Variants in KCNU1 observed in about 807,000 individuals in gnomAD.
The protein encoded by KCNU1 is potassium calcium-activated channel subfamily U member 1.
Under a neutral mutation model 126.8 loss-of-function variants are expected in KCNU1, and 93 were observed. That is an observed-to-expected ratio of 0.73 (90% CI 0.62 to 0.87). The LOEUF is 0.87. Ranked by LOEUF, KCNU1 falls within the 40% of genes least tolerant of loss-of-function variation. The pLI is 0.00. For missense variants in KCNU1, 1,330 were observed against 1,367.1 expected (o/e 0.97, Z 0.43); for synonymous variants, 523 against 494.2 (o/e 1.06, Z -0.77).
chr8:36,801,131 T>C (rs1459510465), intron 2 of KCNU1, among the ~76,000 whole-genome samples: 2 of 152,218 alleles, frequency 1.3e-5, no homozygotes, highest in East Asian at 1.9e-4. Context: ...TCTACATGCA[T>C]GCAATCCAGA....
chr8:36,926,246 T>C (rs1278336624), intron 24 of KCNU1, among the ~76,000 whole-genome samples: 2 of 152,090 alleles, frequency 1.3e-5, no homozygotes, highest in Non-Finnish European at 2.9e-5. Context: ...CAGATCCAAG[T>C]GTATGTGATC....
intron 6 of KCNU1, among the ~76,000 whole-genome samples, chr8:36,808,100 T>C (rs867772218): frequency 1.3e-5 from 2 of 152,118 alleles, no homozygotes; most frequent in African/African-American, 4.8e-5. Flanking sequence ...TTATGAATTA[T>C]GGAGAAGCTG....
At chr8:36,829,779 T>G (rs1343939825) in intron 10 of KCNU1, among the ~76,000 whole-genome samples, 1 of 151,306 alleles carries the variant, frequency 6.6e-6, no homozygotes, top group East Asian at 1.9e-4. Context: ...TATTTAGTTC[T>G]CCTTTAGTAC....
intron 19 of KCNU1, among the ~76,000 whole-genome samples, chr8:36,891,267 A>G (rs1299260933): frequency 6.6e-6 from 1 of 151,984 alleles, no homozygotes; most frequent in Admixed American, 6.6e-5. Flanking sequence ...GTTCATATTA[A>G]TACTGTCTTA....
intron 14 of KCNU1, among the ~76,000 whole-genome samples, chr8:36,838,172 T>A (rs1804823113): frequency 6.6e-6 from 1 of 152,206 alleles, no homozygotes; most frequent in African/African-American, 2.4e-5. Context: ...TAGTGGTCAC[T>A]GTATGCAGCC....
chr8:36,805,942 C>T (rs796857897), intron 4 of KCNU1, among the ~76,000 whole-genome samples: 8 of 152,274 alleles, frequency 5.3e-5, no homozygotes, highest in African/African-American at 1.9e-4. Context: ...CTCCCAGGTT[C>T]CAGTGGTTCT....
chr8:36,864,873 G>T (rs367645766), intron 19 of KCNU1, among the ~76,000 whole-genome samples: 3 of 152,130 alleles, frequency 2.0e-5, no homozygotes, highest in African/African-American at 7.2e-5. Context: ...ATACATTCAA[G>T]ATGTGATTGT....
intron 1 of KCNU1, among the ~76,000 whole-genome samples, chr8:36,785,914 C>A (rs1358208778): frequency 6.6e-6 from 1 of 151,830 alleles, no homozygotes; most frequent in African/African-American, 2.4e-5. Context: ...CCAGGTATAC[C>A]CTTTAATTAC....
At position 36,909,421 on chromosome 8, in the gene KCNU1, A is replaced by G. The variant is rs771936890; in HGVS notation, c.2217A>G (p.Arg739=). 3.5e-5 allele frequency: 57 copies of G among 1,612,796 alleles called. No homozygotes were observed. Among genetic ancestry groups the G allele is most frequent in the Middle Eastern group, 3.3e-4 (2 of 6,082 alleles). The change falls in exon 21 of 27, where the codon AGA becomes AGG. Residue 739 remains arginine (R), a synonymous_variant. Coordinates refer to ENST00000399881, the MANE Select transcript of KCNU1 (RefSeq NM_001031836.3). ...MGLRNFVMPL[R]ASNYTRKELK... is the part of the protein sequence containing the mutation. ...TTCGGAACTTTGTAATGCCCTTGAG[A>G]GCCAGCAACTATACCAGGAAGGAGC...
intron 22 of KCNU1, among the ~76,000 whole-genome samples, chr8:36,913,607 T>G (rs1284652199): frequency 6.6e-6 from 1 of 151,002 alleles, no homozygotes; most frequent in African/African-American, 2.4e-5. Context: ...CACATTTTTT[T>G]TTTTTTTTTT....
At chr8:36,932,682 C>A (rs1808736093) in intron 25 of KCNU1, among the ~76,000 whole-genome samples, 1 of 152,036 alleles carries the variant, frequency 6.6e-6, no homozygotes, top group Admixed American at 6.6e-5. Flanking sequence ...ACATGTCACA[C>A]CACACCCACC....
chr8:36,862,733 A>G (rs990884619), intron 18 of KCNU1, among the ~76,000 whole-genome samples: 10 of 152,132 alleles, frequency 6.6e-5, no homozygotes, highest in African/African-American at 2.4e-4. Flanking sequence ...TCCTTCCCCC[A>G]ACCCTCATTT....
chr8:36,848,493 C>T (rs1805228599), intron 18 of KCNU1, among the ~76,000 whole-genome samples: 1 of 152,202 alleles, frequency 6.6e-6, no homozygotes, highest in Non-Finnish European at 1.5e-5. Flanking sequence ...TTTCATTCTT[C>T]TGCATATGGA....
intron 18 of KCNU1, among the ~76,000 whole-genome samples, chr8:36,863,281 T>C (rs1370520594): frequency 6.6e-6 from 1 of 152,196 alleles, no homozygotes; most frequent in Non-Finnish European, 1.5e-5. Context: ...TAAGTGGGAT[T>C]AAGGGCTTGT....
At chr8:36,800,916 C>T (rs1803279888) in intron 2 of KCNU1, among the ~76,000 whole-genome samples, 1 of 152,182 alleles carries the variant, frequency 6.6e-6, no homozygotes, top group African/African-American at 2.4e-5. Context: ...TGTGCTTCAA[C>T]AAAACAGGAC....
At chr8:36,817,856 G>A in intron 10 of KCNU1, 96 bp downstream of exon 10, 1 of 622,408 alleles carries the variant, frequency 1.6e-6, no homozygotes, top group Non-Finnish European at 2.9e-6. Flanking sequence ...AATATTTATA[G>A]AAAAAGTAGG....
At chr8:36,787,662 T>G (rs1359063286) in intron 2 of KCNU1, among the ~76,000 whole-genome samples, 1 of 147,542 alleles carries the variant, frequency 6.8e-6, no homozygotes, top group Non-Finnish European at 1.5e-5. Context: ...ATTATTATAA[T>G]AATTTTATAA....
chr8:36,801,512 T>C (rs540260585), intron 2 of KCNU1, among the ~76,000 whole-genome samples: 2 of 152,064 alleles, frequency 1.3e-5, no homozygotes, highest in South Asian at 4.1e-4. Flanking sequence ...AAGTAATATA[T>C]GCCATCATCT....
At chr8:36,862,123 T>C (rs895364930) in intron 18 of KCNU1, among the ~76,000 whole-genome samples, 13 of 152,050 alleles carry the variant, frequency 8.5e-5, no homozygotes, top group African/African-American at 3.1e-4. Flanking sequence ...TTAGGAAAAA[T>C]CCATTTCAAC....
Sources: gnomAD v4.1 joint callset for allele counts (sites outside exome capture counted in the v4.1 genomes callset) on GRCh38, gnomAD v4.1.1 for gene constraint, MANE v1.5 for transcripts, NCBI Gene and HGNC (gene_info 2026-07-23, HGNC 2026-07-21) for gene names.